BCL9: variants seen among roughly 807,000 people sequenced by gnomAD.
The protein encoded by BCL9 is B-cell CLL/lymphoma 9 protein.
Under a neutral mutation model 88.5 loss-of-function variants are expected in BCL9, and 25 were observed. That is an observed-to-expected ratio of 0.28 (90% CI 0.21 to 0.39). BCL9 has a LOEUF of 0.39. Ranked by LOEUF, BCL9 falls within the 10% of genes least tolerant of loss-of-function variation. The pLI is 1.00. For synonymous variants in BCL9, 711 were observed against 673.3 expected (o/e 1.06, Z -0.87); for missense variants, 1,817 against 1,877.8 (o/e 0.97, Z 0.60).
chr1:147,600,065 T>G (rs1172971452), intron 1 of BCL9: 1 of 141,180 alleles, frequency 7.1e-6, no homozygotes, highest in Non-Finnish European at 1.6e-5. Context: ...GGCTGTACCT[T>G]TCGTGGCGCG....
At chr1:147,595,603 C>G (rs1553200383) in intron 1 of BCL9, among the ~76,000 whole-genome samples, 2 of 152,004 alleles carry the variant, frequency 1.3e-5, no homozygotes, top group East Asian at 3.9e-4. Flanking sequence ...TAATACTAAC[C>G]CTTTGGTAGG....
rs1270027203 is a variant in BCL9, at chr1:147,600,487, G to C, written c.-477-4290G>C. 2.6e-5 allele frequency: 4 copies of C among 151,634 alleles called. No homozygotes were observed. In the South Asian group the frequency reaches 8.3e-4, roughly 32 times the overall value. 9.4% of individuals were successfully genotyped at this position (151,634 alleles called of 1,614,324 possible). On this transcript the variant is annotated intron_variant, in intron 1 of 9. Coordinates refer to ENST00000234739, the MANE Select transcript of BCL9 (RefSeq NM_004326.4). ...TGGAGGGGGGCAGAAAAGGGGCGGG[G>C]GCCAGGGTTGCGGATTTAGTGAGGC...
chr1:147,562,676 G>A (rs1210136875), intron 1 of BCL9, among the ~76,000 whole-genome samples: 1 of 152,168 alleles, frequency 6.6e-6, no homozygotes, highest in East Asian at 1.9e-4. Context: ...TGGAGGCAGG[G>A]AGAGACTCAC....
intron 7 of BCL9, among the ~76,000 whole-genome samples, 153 bp downstream of exon 7, chr1:147,616,055 G>A (rs1658264776): frequency 6.6e-6 from 1 of 152,200 alleles, no homozygotes; most frequent in Non-Finnish European, 1.5e-5. Flanking sequence ...GGGGCATTAG[G>A]CATATCATAC....
Position 147,611,931 on chromosome 1 carries a change from A to T in BCL9, c.53+42A>T, listed in dbSNP as rs1479813034. 4 of 1,571,972 alleles carry T rather than the reference A, an allele frequency of 2.5e-6. No individual in the cohort carries two copies. The East Asian group carries it at 8.9e-5, about 35-fold the overall frequency. ...GGCCTCTTCCTGCAGCCCCTTGGGG[A>T]TGCCATAGGCACATCATGAACACTC... On this transcript the variant is annotated intron_variant, in intron 4 of 9. Coordinates refer to ENST00000234739, the MANE Select transcript of BCL9 (RefSeq NM_004326.4).
intron 1 of BCL9, among the ~76,000 whole-genome samples, chr1:147,546,869 C>A (rs1654626835): frequency 6.6e-6 from 1 of 152,144 alleles, no homozygotes; most frequent in Non-Finnish European, 1.5e-5. Context: ...GTGCAAGAGA[C>A]CAAAGAACCA....
At position 147,614,491 on chromosome 1, in the gene BCL9, A is replaced by G; in HGVS notation, c.435A>G (p.Pro145=). The change falls in exon 6 of 10, where the codon CCA becomes CCG. Residue 145 remains proline (P), a synonymous_variant. Coordinates refer to ENST00000234739, the MANE Select transcript of BCL9 (RefSeq NM_004326.4). ...AGCACACACCACACTCGATGACCCC[A>G]TCAAATGCTACAGCCCCCAGGTCTT... The part of the protein sequence containing the change: ...DSQHTPHSMT[P]SNATAPRSST... The G allele has an allele frequency of 6.2e-7, 1 of 1,614,138 alleles. No individual in the cohort carries two copies. The highest frequency in any genetic ancestry group is 1.6e-4 in the Middle Eastern group (1 of 6,062).
intron 1 of BCL9, among the ~76,000 whole-genome samples, chr1:147,557,700 A>G (rs1323730417): frequency 6.6e-6 from 1 of 152,208 alleles, no homozygotes; most frequent in Non-Finnish European, 1.5e-5. Flanking sequence ...AAAAATATGT[A>G]TACATGTATA....
intron 1 of BCL9, among the ~76,000 whole-genome samples, chr1:147,586,990 C>G (rs1275719553): frequency 6.6e-6 from 1 of 151,028 alleles, no homozygotes; most frequent in African/African-American, 2.4e-5. Flanking sequence ...TTTACACATA[C>G]CTCCTCCAGG....
chr1:147,578,559 A>G (rs1391083135), intron 1 of BCL9, among the ~76,000 whole-genome samples: 1 of 152,246 alleles, frequency 6.6e-6, no homozygotes, highest in African/African-American at 2.4e-5. Context: ...ATTTCTGATC[A>G]TAAGCATTTT....
intron 9 of BCL9, 23 bp from the exon 10 acceptor site, chr1:147,623,819 C>T: frequency 7.6e-6 from 12 of 1,589,346 alleles, no homozygotes; most frequent in Admixed American, 1.8e-5. Flanking sequence ...AAGTTGATTC[C>T]TTTGATATCT....
At chr1:147,623,283 C>G (rs1658742148) in intron 9 of BCL9, among the ~76,000 whole-genome samples, 1 of 152,172 alleles carries the variant, frequency 6.6e-6, no homozygotes, top group East Asian at 1.9e-4. Flanking sequence ...CCAAATACTT[C>G]AATGTCCCAG....
At chr1:147,566,937 A>G (rs1553196787) in intron 1 of BCL9, among the ~76,000 whole-genome samples, 1 of 152,138 alleles carries the variant, frequency 6.6e-6, no homozygotes, top group Non-Finnish European at 1.5e-5. Context: ...GGCACCTTTT[A>G]CTAACTAATC....
In BCL9 at chr1:147,624,156, G is replaced by T. The variant is rs782547280; in HGVS notation, c.3478G>T (p.Gly1160Trp). The change falls in exon 10 of 10, where the codon GGG (glycine) becomes TGG (tryptophan). Residue 1160 changes from glycine to tryptophan, a missense_variant. By Grantham distance (184) the Gly-to-Trp change is radical. Around this residue, in one of 2 missense-constraint regions of BCL9, gnomAD observed 589 missense variants for 686.2 expected, o/e 0.86. Coordinates refer to ENST00000234739, the MANE Select transcript of BCL9 (RefSeq NM_004326.4). The surrounding 1 kb of genome is among the most constrained non-coding windows in gnomAD (Gnocchi z 4.4). Reference protein sequence around the residue: ...QVPFPHNGPSGGQGSFPGGMG... With the variant: ...QVPFPHNGPSWGQGSFPGGMG... ...TCCATTCCCTCACAATGGCCCCAGT[G>T]GGGGGCAGGGCAGCTTCCCAGGAGG... 30 of 1,596,482 alleles carry T rather than the reference G, an allele frequency of 1.9e-5. No individual in the cohort carries two copies. Among genetic ancestry groups the T allele is most frequent in the Non-Finnish European group, 2.2e-5 (26 of 1,170,012 alleles).
intron 3 of BCL9, among the ~76,000 whole-genome samples, chr1:147,608,742 G>C (rs782262257): frequency 3.9e-5 from 6 of 152,152 alleles, no homozygotes; most frequent in Non-Finnish European, 8.8e-5. Context: ...GAGTGTAGTA[G>C]TCATAGTAAT....
In BCL9 at chr1:147,570,639, C is replaced by CTTTTTTTTTT. The variant is rs1292644240; in HGVS notation, c.-478+28968_-478+28977dup. Reference sequence around the variant, plus strand: ...ATTGTTGACTGATTTTCTTTTTTTTCTTTTTTTTTTTTGTAGATGGAGTTT... The same window carrying CTTTTTTTTTT: ...ATTGTTGACTGATTTTCTTTTTTTTCTTTTTTTTTTTTTTTTTTTTTTGTAGATGGAGTTT... On this transcript the variant is annotated intron_variant, in intron 1 of 9. Transcript: ENST00000234739. 1.6e-5 allele frequency among the ~76,000 whole-genome samples: 2 copies of CTTTTTTTTTT among 128,132 alleles called. 1 individual carries two copies. 84.1% of individuals were successfully genotyped at this position (128,132 alleles called of 152,430 possible). A position where few individuals can be genotyped will look rare whatever the true frequency, so the allele number is the denominator to read the frequency against.
chr1:147,612,683 C>T (rs1658071872), intron 4 of BCL9, among the ~76,000 whole-genome samples, 200 bp from the exon 5 acceptor site: 1 of 152,140 alleles, frequency 6.6e-6, no homozygotes, highest in Admixed American at 6.5e-5. Flanking sequence ...GCAGGCCACT[C>T]TGCTTGATCC....
At chr1:147,576,407 A>G (rs181662007) in intron 1 of BCL9, among the ~76,000 whole-genome samples, 1 of 152,326 alleles carries the variant, frequency 6.6e-6, no homozygotes, top group East Asian at 1.9e-4. Context: ...AAAACACCGG[A>G]GTGCACACTG....
intron 1 of BCL9, among the ~76,000 whole-genome samples, chr1:147,546,251 T>C (rs1280456851): frequency 6.6e-6 from 1 of 151,432 alleles, no homozygotes; most frequent in African/African-American, 2.4e-5. Flanking sequence ...GGCAGGAGAA[T>C]GGTGTGAACC....
Sources: allele counts gnomAD v4.1 joint callset (sites outside exome capture counted in the v4.1 genomes callset), GRCh38; gene constraint gnomAD v4.1.1; regional missense constraint gnomAD v4.1.1; non-coding constraint Gnocchi (gnomAD v3.1); transcripts MANE v1.5; gene names NCBI Gene and HGNC (gene_info 2026-07-23, HGNC 2026-07-21).